The following SLC29A4 variants were observed in gnomAD, a reference collection of about 807,000 sequenced individuals.
SLC29A4 encodes the protein solute carrier family 29 member 4, also known as equilibrative nucleoside transporter 4.
A neutral mutation model predicts 43.9 loss-of-function variants in SLC29A4; 36 were observed. That is an observed-to-expected ratio of 0.82 (90% confidence interval 0.63 to 1.08). The LOEUF is 1.08. Ranked by LOEUF, SLC29A4 falls within the 50% of genes least tolerant of loss-of-function variation. The pLI is 0.00. For synonymous variants in SLC29A4, 491 were observed against 338.0 expected (o/e 1.45, Z -4.97); for missense variants, 869 against 755.3 (o/e 1.15, Z -1.77).
At chr7:5,294,238 G>A (rs868575734) in intron 5 of SLC29A4, among the ~76,000 whole-genome samples, 6 of 152,166 alleles carry the variant, frequency 3.9e-5, no homozygotes, top group Admixed American at 1.3e-4. Context: ...ACCATGCCCA[G>A]CCTTGACCAG....
intron 4 of SLC29A4, 109 bp downstream of exon 4, chr7:5,291,346 G>T: frequency 9.2e-7 from 1 of 1,081,848 alleles, no homozygotes; most frequent in Non-Finnish European, 1.3e-6. Context: ...TCTGTAAAAT[G>T]GGCACACTTC....
At chr7:5,296,817 C>T (rs1287800069) in intron 6 of SLC29A4, 119 bp from the exon 7 acceptor site, 20 of 1,109,452 alleles carry the variant, frequency 1.8e-5, no homozygotes, top group Non-Finnish European at 2.2e-5. Flanking sequence ...GGGGGCAGGG[C>T]CTGTGGTGGA....
Position 5,302,934 on chromosome 7 carries a change from C to T in SLC29A4, c.1588C>T (p.Leu530Phe), listed in dbSNP as rs1326091876. 3 of 1,606,108 alleles carry T rather than the reference C, an allele frequency of 1.9e-6. No homozygotes were observed. In the African/African-American group the frequency reaches 4.0e-5, roughly 21 times the overall value. The change falls in exon 11 of 11, where the codon CTC becomes TTC. Residue 530 changes from leucine to phenylalanine, a missense_variant. Transcript: ENST00000396872. ...STANGSILAG[L>F] ...CGCCAATGGTTCCATCCTCGCAGGC[C>T]TCTGAGCCAGCCCCGCCCACTGCCA...
intron 6 of SLC29A4, among the ~76,000 whole-genome samples, chr7:5,295,404 G>C (rs1051166887): frequency 3.4e-4 from 51 of 152,238 alleles, no homozygotes; most frequent in African/African-American, 1.2e-3. Flanking sequence ...TCAAACTCAC[G>C]TCTCCTCCAC....
chr7:5,288,505 C>G (rs1455412562), intron 2 of SLC29A4, among the ~76,000 whole-genome samples: 1 of 151,520 alleles, frequency 6.6e-6, no homozygotes, highest in African/African-American at 2.4e-5. Flanking sequence ...GGGGTTTCAC[C>G]GTGGTCTCGA....
chr7:5,298,949 C>A (rs745968385), intron 7 of SLC29A4, 39 bp from the exon 8 acceptor site: 20 of 1,592,878 alleles, frequency 1.3e-5, no homozygotes, highest in Non-Finnish European at 1.6e-5. Context: ...CCTGTCCTCC[C>A]TTCCACTCCA....
At chr7:5,289,811 A>G (rs562368271) in intron 2 of SLC29A4, among the ~76,000 whole-genome samples, 60 of 152,232 alleles carry the variant, frequency 3.9e-4, no homozygotes, top group African/African-American at 1.4e-3. Flanking sequence ...AACCCGGTAC[A>G]ACCCCAGACA....
rs1786059289 is a variant in SLC29A4, at chr7:5,300,426, T to C, written c.1214T>C (p.Leu405Pro). Reference protein sequence around the residue: ...FNLSDFVGKILAALPVDWRGT... With the variant: ...FNLSDFVGKIPAALPVDWRGT... ...CACTTGCCTGGCTCTCTGCAGATCC[T>C]GGCAGCCCTGCCCGTGGACTGGCGG... Residue 405 changes from leucine (L) to proline (P), a missense_variant, in exon 10 of 11, where the codon CTG becomes CCG. Coordinates refer to ENST00000396872, the MANE Select transcript of SLC29A4 (RefSeq NM_153247.4). 6.2e-7 allele frequency: 1 copy of C among 1,611,326 alleles called. No homozygotes were observed. Among genetic ancestry groups the C allele is most frequent in the East Asian group, 2.2e-5 (1 of 44,878 alleles).
chr7:5,298,492 A>G lies in SLC29A4; in HGVS notation c.883-496A>G, dbSNP rs369572689. ...GGAATGATGAGATGGAATTTGCTGC[A>G]TCAGAAGTGTGAGAGAGAGCCAGGC... On this transcript the variant is annotated intron_variant, in intron 7 of 10. Coordinates refer to ENST00000396872, the MANE Select transcript of SLC29A4 (RefSeq NM_153247.4). Among the ~76,000 whole-genome samples the G allele has an allele frequency of 6.0e-4, 92 of 152,246 alleles. 2 individuals are homozygous for G. Among genetic ancestry groups the G allele is most frequent in the African/African-American group, 2.1e-3 (87 of 41,522 alleles).
rs1480098264 is a variant in SLC29A4 at position 5,287,947 on chromosome 7, G to A, written c.131G>A (p.Gly44Asp). 4 of 1,611,344 alleles carry A rather than the reference G, an allele frequency of 2.5e-6. No individual in the cohort carries two copies. Among genetic ancestry groups the A allele is most frequent in the Admixed American group, 1.7e-5 (1 of 59,928 alleles). ...EEAAEAAQGQGLRARGVPAFT... is the reference protein window; with the variant it reads ...EEAAEAAQGQDLRARGVPAFT... ...GCGGCGGAGGCGGCTCAGGGCCAGG[G>A]CCTTAGGGCCAGGGGCGTCCCAGCT... is the stretch of plus-strand genomic sequence containing the variant. Residue 44 changes from glycine to aspartate, a missense_variant, in exon 2 of 11, where the codon GGC becomes GAC. Transcript: ENST00000396872.
Position 5,296,718 on chromosome 7 carries a change from T to C in SLC29A4, c.620-218T>C, listed in dbSNP as rs1583668598. ...GGTGGAGCAGGTCTGGTTGCGGGAG[T>C]GGGGTGGTGGCAGTGGGCGGGGCCG... On this transcript the variant is annotated intron_variant, in intron 6 of 10. Transcript: ENST00000396872. Among the ~76,000 whole-genome samples, 2 of 118,610 alleles carry C rather than the reference T, an allele frequency of 1.7e-5. 1 individual carries two copies. Among genetic ancestry groups the C allele is most frequent in the South Asian group, 5.9e-4 (2 of 3,388 alleles). The allele number at this position is 118,610 out of a possible 152,430, so 77.8% of individuals were successfully genotyped here.
chr7:5,291,785 C>G lies in SLC29A4; in HGVS notation c.508C>G (p.Leu170Val), dbSNP rs984011139. The change falls in exon 5 of 11, where the codon CTG becomes GTG. Residue 170 changes from leucine (L) to valine (V), a missense_variant. Physicochemically the swap from Leu to Val is conservative, Grantham distance 32. Transcript: ENST00000396872. ...TCGGGACCAGGCCTACGCCATCAACCTGGCCGCTGTGGGCACCGTGGCCTT... is the reference window on the plus strand; with the variant it reads ...TCGGGACCAGGCCTACGCCATCAACGTGGCCGCTGTGGGCACCGTGGCCTT... ...FSRDQAYAINLAAVGTVAFGC... is the reference protein window; with the variant it reads ...FSRDQAYAINVAAVGTVAFGC... 6.2e-7 allele frequency: 1 copy of G among 1,611,914 alleles called. No individual in the cohort carries two copies. Among genetic ancestry groups the G allele is most frequent in the South Asian group, 1.1e-5 (1 of 90,964 alleles).
At position 5,299,325 on chromosome 7, in the gene SLC29A4, C is replaced by T. The variant is rs758892099; in HGVS notation, c.1107C>T (p.Cys369=). The change falls in exon 9 of 11, where the codon TGC becomes TGT. Residue 369 remains cysteine (C), a synonymous_variant. Transcript: ENST00000396872. Reference sequence around the variant, plus strand: ...CCGTGACCTACTTCATCACGCTGTGCCTGTTCCCCGGCCTCGAGTCTGAGA... The same window carrying T: ...CCGTGACCTACTTCATCACGCTGTGTCTGTTCCCCGGCCTCGAGTCTGAGA... ...SIAVTYFITL[C]LFPGLESEIR... The T allele has an allele frequency of 6.2e-7, 1 of 1,611,930 alleles. No individual in the cohort carries two copies. The highest frequency in any genetic ancestry group is 1.3e-5 in the African/African-American group (1 of 74,880).
At position 5,297,159 on chromosome 7, in the gene SLC29A4, C is replaced by T; in HGVS notation, c.843C>T (p.Tyr281=). 1.3e-6 allele frequency: 2 copies of T among 1,598,368 alleles called. No homozygotes were observed. The highest frequency in any genetic ancestry group is 8.5e-7 in the Non-Finnish European group (1 of 1,176,766). Residue 281 remains tyrosine (Y), a synonymous_variant, in exon 7 of 11, where the codon TAC becomes TAT. Coordinates refer to ENST00000396872, the MANE Select transcript of SLC29A4 (RefSeq NM_153247.4). ...CAGGCCTGGGCAGGGGCTATGGCTA[C>T]CGCGTGCACCACGACGTTGTCGCCG... ...GRPGLGRGYG[Y]RVHHDVVAGD...
chr7:5,290,626 G>C, intron 2 of SLC29A4, 106 bp from the exon 3 acceptor site: 1 of 1,440,272 alleles, frequency 6.9e-7, no homozygotes, highest in Non-Finnish European at 9.4e-7. Context: ...CACGGTGATG[G>C]ACAGTGGCTA....
At chr7:5,300,744 C>T (rs1786105820) in intron 10 of SLC29A4, 82 bp downstream of exon 10, 1 of 1,530,268 alleles carries the variant, frequency 6.5e-7, no homozygotes, top group Non-Finnish European at 8.7e-7. Flanking sequence ...GGCTAGACCG[C>T]AGGAAGGTGC....
intron 5 of SLC29A4, among the ~76,000 whole-genome samples, chr7:5,293,159 T>C (rs1785421656): frequency 6.8e-6 from 1 of 146,942 alleles, no homozygotes; most frequent in African/African-American, 2.6e-5. Context: ...TTCTTTTTTT[T>C]CTCTTTTTTT....
rs768128684 is a variant in SLC29A4 at position 5,296,971 on chromosome 7, C to T, written c.655C>T (p.Leu219Phe). 3.7e-6 allele frequency: 6 copies of T among 1,600,198 alleles called. No homozygotes were observed. Among genetic ancestry groups the T allele is most frequent in the East Asian group, 4.5e-5 (2 of 44,858 alleles). ...AGVMISLSRI[L>F]TKLLLPDERA... ...CGTGATGATCTCTCTGAGCCGCATCCTCACGAAGCTGCTGCTGCCCGACGA... is the reference window on the plus strand; with the variant it reads ...CGTGATGATCTCTCTGAGCCGCATCTTCACGAAGCTGCTGCTGCCCGACGA... The change falls in exon 7 of 11, where the codon CTC becomes TTC. Residue 219 changes from leucine to phenylalanine, a missense_variant. Leu to Phe is a conservative substitution (Grantham distance 22, BLOSUM62 0). Coordinates refer to ENST00000396872, the MANE Select transcript of SLC29A4 (RefSeq NM_153247.4).
At chr7:5,286,349 G>C (rs10224849) in intron 1 of SLC29A4, among the ~76,000 whole-genome samples, 27,830 of 151,294 alleles carry the variant, frequency 0.18, 3,957 homozygotes, top group African/African-American at 0.4. Context: ...ATGGTGAAAC[G>C]CCATCTCTAC....
Sources: gnomAD v4.1 joint callset for allele counts (sites outside exome capture counted in the v4.1 genomes callset) on GRCh38, gnomAD v4.1.1 for gene constraint, MANE v1.5 for transcripts, NCBI Gene and HGNC (gene_info 2026-07-23, HGNC 2026-07-21) for gene names.